Variants in CNTN4 observed in about 807,000 individuals in gnomAD.
CNTN4 encodes contactin 4, also known as contactin-4.
CNTN4 carries 77 observed loss-of-function variants against 122.5 expected under a neutral mutation model. The ratio of observed to expected loss-of-function variants is 0.63; its 90% CI spans 0.52 to 0.76. The LOEUF is 0.76. CNTN4 is among the 30% of genes least tolerant of loss of function. The pLI, the probability that CNTN4 is intolerant of heterozygous loss-of-function variation, is 0.00. For missense variants in CNTN4, 1,256 were observed against 1,259.1 expected, an observed-to-expected ratio of 1.00 and a Z score of 0.04; for synonymous variants, 512 against 447.0, an observed-to-expected ratio of 1.15 and a Z score of -1.83.
At chr3:2,324,945 T>C (rs2043402681) in intron 2 of CNTN4, among the ~76,000 whole-genome samples, 1 of 152,174 alleles carries the variant, frequency 6.6e-6, no homozygotes, top group Admixed American at 6.5e-5. Context: ...TTCCCCCCAG[T>C]TTTTCATTCC....
intron 2 of CNTN4, among the ~76,000 whole-genome samples, chr3:2,244,828 C>G (rs1366452604): frequency 1.3e-5 from 2 of 151,966 alleles, no homozygotes; most frequent in South Asian, 4.2e-4. Context: ...GGCGATTGCT[C>G]AAGGGCTTGT....
chr3:2,167,327 C>G (rs1162381830), intron 2 of CNTN4, among the ~76,000 whole-genome samples: 1 of 152,066 alleles, frequency 6.6e-6, no homozygotes, highest in Non-Finnish European at 1.5e-5. Context: ...AGCCTCCTAT[C>G]ACAACCACAA....
chr3:2,481,033 T>TTTTTTCTTTCTTTCTTTCTTTCTTTC (rs2075979193), intron 3 of CNTN4, among the ~76,000 whole-genome samples: 2 of 120,078 alleles, frequency 1.7e-5, no homozygotes, highest in South Asian at 2.7e-4. Flanking sequence ...TTTCTTTTTC[T>TTTTTTCTTTCTTTCTTTCTTTCTTTC]TTTCTTTCTT....
intron 2 of CNTN4, among the ~76,000 whole-genome samples, chr3:2,278,646 T>C (rs1239757094): frequency 6.6e-6 from 1 of 152,240 alleles, no homozygotes; most frequent in Non-Finnish European, 1.5e-5. Flanking sequence ...TATTACAGCA[T>C]AGTCATTAAG....
intron 17 of CNTN4, among the ~76,000 whole-genome samples, chr3:3,036,101 T>G (rs1464844187): frequency 6.6e-6 from 1 of 152,170 alleles, no homozygotes; most frequent in Non-Finnish European, 1.5e-5. Flanking sequence ...TTTTCTTATT[T>G]AGATTTCATT....
chr3:2,890,741 C>T lies in CNTN4; in HGVS notation c.940+3517C>T, dbSNP rs574639927. On this transcript the variant is annotated intron_variant, in intron 10 of 24. Transcript: ENST00000418658. Reference sequence around the variant, plus strand: ...ACTGTAGCCATGTCTTTAAGTTACCCTGTGCTACTCATGTTTGGTATGTAT... The same window carrying T: ...ACTGTAGCCATGTCTTTAAGTTACCTTGTGCTACTCATGTTTGGTATGTAT... Among the ~76,000 whole-genome samples the T allele has an allele frequency of 4.6e-5, 7 of 152,296 alleles. 1 individual carries two copies. In the East Asian group the frequency reaches 1.4e-3, roughly 29 times the overall value.
rs1373201310 is a variant in CNTN4 at position 2,215,597 on chromosome 3, C to CT, written c.-145+114960dup. 3.9e-5 allele frequency among the ~76,000 whole-genome samples: 6 copies of CT among 152,102 alleles called. No homozygotes were observed. In the East Asian group the frequency reaches 1.2e-3, roughly 29 times the overall value. The stretch of plus-strand genomic sequence containing the variant: ...TCCTACCAACAGTGTTAAGAGTTCC[C>CT]TTAGGCTGGGCGCAGTGGTTCACGC... On this transcript the variant is annotated intron_variant, in intron 2 of 24. Transcript: ENST00000418658.
intron 4 of CNTN4, among the ~76,000 whole-genome samples, chr3:2,647,959 G>A (rs1045778559): frequency 5.9e-5 from 9 of 152,168 alleles, no homozygotes; most frequent in Non-Finnish European, 1.2e-4. Flanking sequence ...TTCTGGATTT[G>A]AAGATAACTG....
At chr3:2,748,448 T>C (rs7611686) in intron 6 of CNTN4, among the ~76,000 whole-genome samples, 35,125 of 152,050 alleles carry the variant, frequency 0.23, 4,766 homozygotes, top group African/African-American at 0.37. Context: ...ATGATTGTTC[T>C]CCTAGTTTAG....
chr3:2,323,031 C>T (rs920183740), intron 2 of CNTN4, among the ~76,000 whole-genome samples: 5 of 152,110 alleles, frequency 3.3e-5, no homozygotes, highest in Admixed American at 2.6e-4. Flanking sequence ...ATTGCCATCT[C>T]AGCTACACAG....
chr3:2,605,576 T>C (rs1268105600), intron 4 of CNTN4, among the ~76,000 whole-genome samples: 3 of 152,126 alleles, frequency 2.0e-5, no homozygotes, highest in African/African-American at 7.2e-5. Context: ...TGGGCAGCTA[T>C]TGCAGCAATC....
chr3:2,369,702 A>T (rs1469870820), intron 3 of CNTN4, among the ~76,000 whole-genome samples: 1 of 152,130 alleles, frequency 6.6e-6, no homozygotes, highest in African/African-American at 2.4e-5. Context: ...TACATCTTCA[A>T]GAATGCGCGA....
chr3:2,228,744 A>T (rs2039379415), intron 2 of CNTN4, among the ~76,000 whole-genome samples: 1 of 152,170 alleles, frequency 6.6e-6, no homozygotes, highest in African/African-American at 2.4e-5. Flanking sequence ...ATGAATGACT[A>T]TTAGAGTTTA....
rs1220761684 is a variant in CNTN4, at chr3:2,600,005, C to CTTTTTTTTTTTTT, written c.55+28449_55+28450insTTTTTTTTTTTTT. On this transcript the variant is annotated intron_variant, in intron 4 of 24. Coordinates refer to ENST00000418658, the MANE Select transcript of CNTN4 (RefSeq NM_175607.3). ...CAACTCTATTTTGGTTTATGGAATT[C>CTTTTTTTTTTTTT]TTCTTTTTTTTTTTTTTTTTTTTTT... 1.9e-3 allele frequency among the ~76,000 whole-genome samples: 55 copies of CTTTTTTTTTTTTT among 28,300 alleles called. 14 individuals are homozygous for CTTTTTTTTTTTTT. Among genetic ancestry groups the CTTTTTTTTTTTTT allele is most frequent in the Non-Finnish European group, 3.7e-3 (39 of 10,610 alleles). The allele number at this position is 28,300 out of a possible 152,430, so 18.6% of individuals were successfully genotyped here.
Position 2,713,502 on chromosome 3 carries a change from T to A in CNTN4, c.56-22713T>A, listed in dbSNP as rs1361769849. On this transcript the variant is annotated intron_variant, in intron 4 of 24. Coordinates refer to ENST00000418658, the MANE Select transcript of CNTN4 (RefSeq NM_175607.3). Reference sequence around the variant, plus strand: ...TAGCACGGCCTGTTTGTTCAGCTTCTCCTTAGAGTCTCTACCTTCATTCCT... The same window carrying A: ...TAGCACGGCCTGTTTGTTCAGCTTCACCTTAGAGTCTCTACCTTCATTCCT... Among the ~76,000 whole-genome samples, 4 of 152,212 alleles carry A rather than the reference T, an allele frequency of 2.6e-5. No individual in the cohort carries two copies. The East Asian group carries it at 7.7e-4, about 29-fold the overall frequency.
chr3:2,378,908 A>G (rs963869898), intron 3 of CNTN4, among the ~76,000 whole-genome samples: 1 of 152,164 alleles, frequency 6.6e-6, no homozygotes, highest in African/African-American at 2.4e-5. Context: ...CAATACCAAT[A>G]TCACTATCAA....
intron 6 of CNTN4, among the ~76,000 whole-genome samples, chr3:2,751,634 G>A (rs766213281): frequency 2.6e-5 from 4 of 152,150 alleles, no homozygotes; most frequent in Non-Finnish European, 5.9e-5. Context: ...TGTTTCCAGA[G>A]CTTGTGTCTA....
In CNTN4 at chr3:2,339,190, T is replaced by A. The variant is rs1221635182; in HGVS notation, c.-132T>A. The stretch of plus-strand genomic sequence containing the variant: ...CTTTTTATTCTAGGAATCATTGACA[T>A]AGAGTAACTCCACAGCATGTGTCTT... On this transcript the variant is annotated 5_prime_UTR_variant, in exon 3 of 25. The change abolishes the stop of an existing upstream ORF in the 5' untranslated region. Coordinates refer to ENST00000418658, the MANE Select transcript of CNTN4 (RefSeq NM_175607.3). 1 of 152,146 alleles carries A rather than the reference T, an allele frequency of 6.6e-6. No homozygotes were observed. Among genetic ancestry groups the A allele is most frequent in the Admixed American group, 6.6e-5 (1 of 15,262 alleles). 9.4% of individuals were successfully genotyped at this position (152,146 alleles called of 1,614,324 possible).
chr3:3,042,539 G>C (rs1182407271), intron 21 of CNTN4, 117 bp downstream of exon 21: 1 of 737,830 alleles, frequency 1.4e-6, no homozygotes, highest in Non-Finnish European at 2.4e-6. Flanking sequence ...ATTGGTTTTA[G>C]GCCTGGCTTC....
Sources: gnomAD v4.1 joint callset for allele counts (sites outside exome capture counted in the v4.1 genomes callset) on GRCh38, gnomAD v4.1.1 for gene constraint, MANE v1.5 for transcripts, NCBI Gene and HGNC (gene_info 2026-07-23, HGNC 2026-07-21) for gene names.